COQ3: variants seen among roughly 807,000 people sequenced by gnomAD.
COQ3 encodes the protein ubiquinone biosynthesis O-methyltransferase, mitochondrial.
COQ3 carries 29 observed loss-of-function variants against 33.1 expected under a neutral mutation model. The observed-to-expected ratio is 0.88, with a 90% CI of 0.65 to 1.19. COQ3 has a LOEUF of 1.19. Ranked by LOEUF, COQ3 falls within the 50% of genes most tolerant of loss-of-function variation. The pLI is 0.00. For missense variants in COQ3, 437 were observed against 430.7 expected (o/e 1.01, Z -0.13); for synonymous variants, 173 against 157.8 (o/e 1.10, Z -0.72).
At chr6:99,391,943 G>A (rs1774844072) in intron 1 of COQ3, among the ~76,000 whole-genome samples, 1 of 151,314 alleles carries the variant, frequency 6.6e-6, no homozygotes, top group Non-Finnish European at 1.5e-5. Flanking sequence ...AGGCTGCCGT[G>A]AACTGTGGTC....
intron 1 of COQ3, among the ~76,000 whole-genome samples, chr6:99,390,364 T>C (rs1357761856): frequency 2.0e-5 from 3 of 148,680 alleles, no homozygotes; most frequent in African/African-American, 7.4e-5. Flanking sequence ...GACGGAGTCT[T>C]GCTCTGTCGC....
intron 2 of COQ3, among the ~76,000 whole-genome samples, chr6:99,382,656 A>C (rs1164247579): frequency 6.6e-6 from 1 of 152,198 alleles, no homozygotes; most frequent in African/African-American, 2.4e-5. Context: ...ACAAGCACTT[A>C]GAAAACAGAG....
intron 1 of COQ3, among the ~76,000 whole-genome samples, chr6:99,384,368 T>C (rs867192502): frequency 1.3e-5 from 2 of 152,194 alleles, no homozygotes; most frequent in African/African-American, 2.4e-5. Context: ...CCAAAACAAG[T>C]AATGCATCTG....
intron 1 of COQ3, among the ~76,000 whole-genome samples, chr6:99,387,963 G>A (rs1353267545): frequency 6.6e-6 from 1 of 152,048 alleles, no homozygotes; most frequent in East Asian, 1.9e-4. Flanking sequence ...TTGGGAGTTC[G>A]AGACCAGCCT....
chr6:99,376,333 T>C, intron 4 of COQ3, 151 bp from the exon 5 acceptor site: 1 of 793,604 alleles, frequency 1.3e-6, no homozygotes, highest in Non-Finnish European at 1.9e-6. Context: ...TACCATTTTC[T>C]CTAGTTTGTA....
chr6:99,372,709 C>A (rs1210821905), intron 5 of COQ3, among the ~76,000 whole-genome samples: 1 of 152,136 alleles, frequency 6.6e-6, no homozygotes, highest in African/African-American at 2.4e-5. Context: ...AGCCACTGCA[C>A]CCGGCCTCAG....
Position 99,390,453 on chromosome 6 carries a change from C to T in COQ3, c.106+3621G>A, listed in dbSNP as rs949291442. Among the ~76,000 whole-genome samples the T allele has an allele frequency of 7.9e-5, 12 of 151,936 alleles. 3 individuals carry two copies. The highest frequency in any genetic ancestry group is 7.9e-4 in the Admixed American group (12 of 15,266). Reference sequence around the variant, plus strand: ...GGTTCACGCCATTCTCCTGCCTCAGCCTCCCGAGTAGCTGGGACTACAGGT... The same window carrying T: ...GGTTCACGCCATTCTCCTGCCTCAGTCTCCCGAGTAGCTGGGACTACAGGT... On this transcript the variant is annotated intron_variant, in intron 1 of 6. Coordinates refer to ENST00000254759, the MANE Select transcript of COQ3 (RefSeq NM_017421.4).
At chr6:99,373,770 T>C (rs188018362) in intron 5 of COQ3, among the ~76,000 whole-genome samples, 4 of 152,178 alleles carry the variant, frequency 2.6e-5, no homozygotes, top group African/African-American at 9.6e-5. Flanking sequence ...AGCGGCAGGA[T>C]CCCTTGAGCT....
At chr6:99,383,454 A>T (rs912922950) in intron 2 of COQ3, among the ~76,000 whole-genome samples, 1 of 152,224 alleles carries the variant, frequency 6.6e-6, no homozygotes, top group African/African-American at 2.4e-5. Context: ...GCTATCTCTG[A>T]ATCTGAATGA....
chr6:99,378,159 TAGAGAGAG>T (rs10542899), intron 3 of COQ3, among the ~76,000 whole-genome samples: 595 of 42,976 alleles, frequency 0.014, 10 homozygotes, highest in African/African-American at 0.054. Flanking sequence ...TATATATATT[TAGAGAGAG>T]AGAGAGAGAG....
chr6:99,392,635 T>G (rs1774863291), intron 1 of COQ3, among the ~76,000 whole-genome samples: 1 of 151,880 alleles, frequency 6.6e-6, no homozygotes, highest in African/African-American at 2.4e-5. Flanking sequence ...ACTGCTTTTT[T>G]TTTTTTTTGA....
At chr6:99,383,670 A>C (rs925003736) in intron 2 of COQ3, 28 bp downstream of exon 2, 15 of 1,522,964 alleles carry the variant, frequency 9.8e-6, no homozygotes, top group Non-Finnish European at 1.3e-5. Context: ...AATTACGTGA[A>C]TATTTGCCAC....
chr6:99,384,591 A>T (rs1417833920), intron 1 of COQ3, among the ~76,000 whole-genome samples: 3 of 152,210 alleles, frequency 2.0e-5, no homozygotes, highest in Admixed American at 6.5e-5. Context: ...GAGGAAAAAA[A>T]ATGTATGTGT....
chr6:99,394,064 A>T lies in COQ3; in HGVS notation c.106+10T>A. 6.2e-7 allele frequency: 1 copy of T among 1,608,202 alleles called. No individual in the cohort carries two copies. The highest frequency in any genetic ancestry group is 2.2e-5 in the East Asian group (1 of 44,810). On this transcript the variant is annotated intron_variant, in intron 1 of 6. Coordinates refer to ENST00000254759, the MANE Select transcript of COQ3 (RefSeq NM_017421.4). ...GACTGCATGCGAAGGACCTCCGCAC[A>T]CACACTCACCCGCCGAGGAAATTAA...
intron 1 of COQ3, among the ~76,000 whole-genome samples, chr6:99,393,833 G>A (rs561358277): frequency 3.5e-4 from 54 of 152,324 alleles, no homozygotes; most frequent in African/African-American, 1.2e-3. Context: ...AGCCACAAGA[G>A]ACCCGCGGCC....
At chr6:99,390,750 A>G (rs919982036) in intron 1 of COQ3, among the ~76,000 whole-genome samples, 17 of 152,214 alleles carry the variant, frequency 1.1e-4, no homozygotes, top group Non-Finnish European at 8.8e-5. Context: ...GCTGGACTGC[A>G]GTGGAACAAT....
rs750962787 is a variant in COQ3, at chr6:99,369,686, C to T, written c.1024G>A (p.Ala342Thr). Reference protein sequence around the residue: ...KSRVQEHPASAEFVLKGETEE... With the variant: ...KSRVQEHPASTEFVLKGETEE... ...GTTTCTCCCTTTAAAACAAACTCAG[C>T]AGAGGCTGGGTGTTCCTGGACCCTG... Residue 342 changes from alanine (A) to threonine (T), a missense_variant, in exon 7 of 7, where the codon GCT becomes ACT. Coordinates refer to ENST00000254759, the MANE Select transcript of COQ3 (RefSeq NM_017421.4). The T allele has an allele frequency of 1.9e-6, 3 of 1,614,050 alleles. No individual in the cohort carries two copies. Among genetic ancestry groups the T allele is most frequent in the South Asian group, 2.2e-5 (2 of 91,082 alleles).
At chr6:99,384,075 T>C (rs192225374) in intron 1 of COQ3, among the ~76,000 whole-genome samples, 2 of 152,096 alleles carry the variant, frequency 1.3e-5, no homozygotes, top group East Asian at 3.9e-4. Flanking sequence ...TCATTTTTGT[T>C]GTTATTGTTG....
intron 1 of COQ3, among the ~76,000 whole-genome samples, chr6:99,385,372 A>T: frequency 6.6e-6 from 1 of 152,220 alleles, no homozygotes; most frequent in Non-Finnish European, 1.5e-5. Flanking sequence ...TGCATGGAAC[A>T]TTCATAAAGA....
Sources: allele counts gnomAD v4.1 joint callset (sites outside exome capture counted in the v4.1 genomes callset), GRCh38; gene constraint gnomAD v4.1.1; transcripts MANE v1.5; gene names NCBI Gene and HGNC (gene_info 2026-07-23, HGNC 2026-07-21).